The following SEMA4A variants were observed in gnomAD, a reference collection of about 807,000 sequenced individuals.
SEMA4A encodes semaphorin-4A.
A neutral mutation model predicts 72.5 loss-of-function variants in SEMA4A; 52 were observed. The ratio of observed to expected loss-of-function variants is 0.72; its 90% CI spans 0.57 to 0.90. SEMA4A has a LOEUF of 0.90. Ranked by LOEUF, SEMA4A falls within the 40% of genes least tolerant of loss-of-function variation. The pLI is 0.00. For synonymous variants in SEMA4A, 369 were observed against 393.1 expected, an observed-to-expected ratio of 0.94 and a Z score of 0.73; for missense variants, 926 against 959.7, an observed-to-expected ratio of 0.96 and a Z score of 0.46.
intron 10 of SEMA4A, among the ~76,000 whole-genome samples, chr1:156,172,149 T>A (rs1191695030): frequency 7.1e-6 from 1 of 141,622 alleles, no homozygotes; most frequent in Non-Finnish European, 1.5e-5. Context: ...ACGGAGTCTC[T>A]CTCTGTCGCC....
chr1:156,161,235 G>C (rs1459422126), intron 8 of SEMA4A, 111 bp from the exon 9 acceptor site: 1 of 749,826 alleles, frequency 1.3e-6, no homozygotes, highest in Non-Finnish European at 2.0e-6. Context: ...GGGGACACGC[G>C]GGGCTGGCGG....
chr1:156,158,397 T>TCTGGTG lies in SEMA4A; in HGVS notation c.373_374insCTGGTG (p.Phe125delinsSerGlyVal). 1 of 1,613,500 alleles carries TCTGGTG rather than the reference T, an allele frequency of 6.2e-7. No individual in the cohort carries two copies. On this transcript the variant is annotated protein_altering_variant, in exon 5 of 15. Coordinates refer to ENST00000368285, the MANE Select transcript of SEMA4A (RefSeq NM_022367.4). ...TCTCTGTCTCCCTCAGACACAGTGT[T>TCTGGTG]TCAACTTCATCCGTGTCCTGGTTTC...
At chr1:156,150,783 G>A (rs914456159), upstream of SEMA4A, among the ~76,000 whole-genome samples, 2 of 152,180 alleles carry the variant, frequency 1.3e-5, no homozygotes, top group African/African-American at 4.8e-5. Flanking sequence ...AACCTGGCAG[G>A]AAGGGGCTAC....
At chr1:156,173,240 G>T (rs1396044880) in intron 11 of SEMA4A, among the ~76,000 whole-genome samples, 5 of 152,180 alleles carry the variant, frequency 3.3e-5, no homozygotes, top group Admixed American at 2.6e-4. Flanking sequence ...GAGGTCTTTG[G>T]TGGCTTTATC....
chr1:156,157,968 C>A lies in SEMA4A; in HGVS notation c.301-102C>A. 8.7e-7 allele frequency: 1 copy of A among 1,148,126 alleles called. No homozygotes were observed. Among genetic ancestry groups the A allele is most frequent in the Non-Finnish European group, 1.3e-6 (1 of 771,670 alleles). The allele number at this position is 1,148,126 out of a possible 1,614,324, so 71.1% of individuals were successfully genotyped here. A position where few individuals can be genotyped will look rare whatever the true frequency, so the allele number is the denominator to read the frequency against. ...ATCAGCATGTCACTAACCACCATGTCTGCTGGTTATTTCACATCAGAGCAG... is the reference window on the plus strand; with the variant it reads ...ATCAGCATGTCACTAACCACCATGTATGCTGGTTATTTCACATCAGAGCAG... On this transcript the variant is annotated intron_variant, in intron 3 of 14. Transcript: ENST00000368285. The surrounding 1 kb of genome is among the most constrained non-coding windows in gnomAD (Gnocchi z 4.5).
chr1:156,156,380 C>A (rs768124869), intron 2 of SEMA4A, 34 bp from the exon 3 acceptor site: 6 of 1,610,922 alleles, frequency 3.7e-6, no homozygotes, highest in Non-Finnish European at 5.1e-6. Context: ...CCCACCAAGT[C>A]CTCATCACTC....
At chr1:156,171,339 G>A (rs190773774) in intron 10 of SEMA4A, among the ~76,000 whole-genome samples, 32 of 152,324 alleles carry the variant, frequency 2.1e-4, no homozygotes, top group Non-Finnish European at 3.2e-4. Flanking sequence ...TTAGAGAACA[G>A]TTGGTCCAAC....
intron 11 of SEMA4A, among the ~76,000 whole-genome samples, chr1:156,173,357 G>A (rs1397970795): frequency 1.3e-5 from 2 of 152,212 alleles, no homozygotes; most frequent in South Asian, 2.1e-4. Flanking sequence ...CAGGAAGCTC[G>A]TCTGTGAAGG....
At chr1:156,173,172 G>T (rs566114704) in intron 11 of SEMA4A, among the ~76,000 whole-genome samples, 166 bp downstream of exon 11, 2 of 152,362 alleles carry the variant, frequency 1.3e-5, no homozygotes, top group African/African-American at 4.8e-5. Flanking sequence ...CAGCAGAGGA[G>T]CAAAACAGTC....
In SEMA4A at chr1:156,175,355, G is replaced by A; in HGVS notation, c.1592+112G>A. The A allele has an allele frequency of 2.9e-6, 4 of 1,367,178 alleles. No individual in the cohort carries two copies. The South Asian group carries it at 3.8e-5, about 13-fold the overall frequency. 84.7% of individuals were successfully genotyped at this position (1,367,178 alleles called of 1,614,324 possible). A position where few individuals can be genotyped will look rare whatever the true frequency, so the allele number is the denominator to read the frequency against. ...GGCTACTGACATATTCACTCCAAGA[G>A]TCCTCCCATCCTGCAGTGGGTTCCT... On this transcript the variant is annotated intron_variant, in intron 13 of 14. Coordinates refer to ENST00000368285, the MANE Select transcript of SEMA4A (RefSeq NM_022367.4).
At chr1:156,154,188 C>T (rs535211392) in intron 1 of SEMA4A, among the ~76,000 whole-genome samples, 2 of 152,126 alleles carry the variant, frequency 1.3e-5, no homozygotes, top group African/African-American at 4.8e-5. Context: ...AGCCAGGCAA[C>T]GGTTTGGGCT....
chr1:156,171,974 C>T (rs1037029426), intron 10 of SEMA4A, among the ~76,000 whole-genome samples: 4 of 151,790 alleles, frequency 2.6e-5, no homozygotes, highest in African/African-American at 9.7e-5. Context: ...TTTGTAGAGA[C>T]GGGGTTTCAC....
chr1:156,156,998 T>C (rs560631258), intron 3 of SEMA4A, among the ~76,000 whole-genome samples: 1 of 151,134 alleles, frequency 6.6e-6, no homozygotes, highest in Non-Finnish European at 1.5e-5. Context: ...TCCCAAAGAG[T>C]TGGGATTACA....
chr1:156,171,893 CCTGT>C (rs1654818155), intron 10 of SEMA4A, among the ~76,000 whole-genome samples: 1 of 151,200 alleles, frequency 6.6e-6, no homozygotes, highest in Non-Finnish European at 1.5e-5. Context: ...AAGCGATTCT[CCTGT>C]CTCGCCTTCC....
rs117762142 is a variant in SEMA4A at position 156,177,185 on chromosome 1, G to T, written c.*188G>T. 315 of 672,922 alleles carry T rather than the reference G, an allele frequency of 4.7e-4. 8 individuals carry two copies. The East Asian group carries it at 5.1e-3, about 11-fold the overall frequency. 41.7% of individuals were successfully genotyped at this position (672,922 alleles called of 1,614,324 possible). On this transcript the variant is annotated 3_prime_UTR_variant, in exon 15 of 15. Transcript: ENST00000368285. ...GCACAGCAGTCTGCCTCCCCTATGG[G>T]ACTCCCTTCTACCAAGCACATGAGC... is the stretch of plus-strand genomic sequence containing the variant.
rs546765295 is a variant in SEMA4A, at chr1:156,173,608, C to CG, written c.1315+609dup. Among the ~76,000 whole-genome samples the CG allele has an allele frequency of 5.9e-5, 9 of 151,620 alleles. No homozygotes were observed. The South Asian group carries it at 1.3e-3, about 21-fold the overall frequency. On this transcript the variant is annotated intron_variant, in intron 11 of 14. Transcript: ENST00000368285. ...TGTCGAGCTGGGCAGCTGTGGGTGG[C>CG]GGGGGGGACAGCACCTGAGCTGGGC...
At chr1:156,165,189 T>C (rs1654045007) in intron 10 of SEMA4A, among the ~76,000 whole-genome samples, 1 of 152,134 alleles carries the variant, frequency 6.6e-6, no homozygotes, top group Non-Finnish European at 1.5e-5. Flanking sequence ...TCTAACAGTT[T>C]CATCTTCCTG....
chr1:156,171,491 G>A (rs985981635), intron 10 of SEMA4A, among the ~76,000 whole-genome samples: 1 of 152,234 alleles, frequency 6.6e-6, no homozygotes, highest in African/African-American at 2.4e-5. Flanking sequence ...TTCAGTCATT[G>A]ACTCAGCAAA....
chr1:156,149,433 C>G (rs540129219), upstream of SEMA4A, among the ~76,000 whole-genome samples: 1 of 152,324 alleles, frequency 6.6e-6, no homozygotes, highest in African/African-American at 2.4e-5. Context: ...TCTTCTCAGG[C>G]AGCTTAGGAA....
Sources: gnomAD v4.1 joint callset for allele counts (sites outside exome capture counted in the v4.1 genomes callset) on GRCh38, gnomAD v4.1.1 for gene constraint, Gnocchi (gnomAD v3.1) non-coding constraint, MANE v1.5 for transcripts, NCBI Gene and HGNC (gene_info 2026-07-23, HGNC 2026-07-21) for gene names.